Variants in SCYL3 observed in about 807,000 individuals in gnomAD.
The protein encoded by SCYL3 is protein-associating with the carboxyl-terminal domain of ezrin.
In SCYL3, 35 loss-of-function variants were observed where a neutral mutation model predicts 73.8. That is an observed-to-expected ratio of 0.47 (90% confidence interval 0.36 to 0.63). The LOEUF is 0.63. SCYL3 is among the 20% of genes least tolerant of loss of function. SCYL3 has a pLI of 0.00. For synonymous variants in SCYL3, 277 were observed against 295.2 expected (o/e 0.94, Z 0.63); for missense variants, 712 against 798.9 (o/e 0.89, Z 1.31).
chr1:169,875,961 GC>G lies in SCYL3; in HGVS notation c.465+16del. ...ATTAAAAACCAAGTAAGGAAGGGGG[GC>G]TGTCCCCTGGCTTACCTCTGGTGTG... On this transcript the variant is annotated intron_variant, in intron 4 of 12. Coordinates refer to ENST00000367771, the MANE Select transcript of SCYL3 (RefSeq NM_020423.7). 6.5e-7 allele frequency: 1 copy of G among 1,533,794 alleles called. No homozygotes were observed. Among genetic ancestry groups the G allele is most frequent in the Non-Finnish European group, 8.9e-7 (1 of 1,118,848 alleles).
intron 3 of SCYL3, among the ~76,000 whole-genome samples, chr1:169,877,201 G>A (rs1005533898): frequency 6.6e-6 from 1 of 152,162 alleles, no homozygotes; most frequent in African/African-American, 2.4e-5. Flanking sequence ...TGTTGCCCCA[G>A]CTGGAGTACA....
In SCYL3 at chr1:169,854,805, A is replaced by ATGT. The variant is rs1423448392; in HGVS notation, c.1469_1471dup (p.Asn490dup). Reference sequence around the variant, plus strand: ...ACAAGGTTCTCTAGGCCAAATCTGTATGTTGACAGTTTGATTTTCAGGCTC... The same window carrying ATGT: ...ACAAGGTTCTCTAGGCCAAATCTGTATGTTGTTGACAGTTTGATTTTCAGGCTC... On this transcript the variant is annotated inframe_insertion, in exon 12 of 13. Transcript: ENST00000367771. 2 of 1,613,854 alleles carry ATGT rather than the reference A, an allele frequency of 1.2e-6. No individual in the cohort carries two copies. Among genetic ancestry groups the ATGT allele is most frequent in the African/African-American group, 2.7e-5 (2 of 74,868 alleles).
Position 169,873,635 on chromosome 1 carries a change from TA to T in SCYL3, c.522+60del. On this transcript the variant is annotated intron_variant, in intron 5 of 12. Coordinates refer to ENST00000367771, the MANE Select transcript of SCYL3 (RefSeq NM_020423.7). The stretch of plus-strand genomic sequence containing the variant: ...AAGGAGTAAGCAGAGGAAAGTTTTT[TA>T]AAATTTCATACTCAATTACACAAAG... 3 of 1,207,750 alleles carry T rather than the reference TA, an allele frequency of 2.5e-6. No homozygotes were observed. In the South Asian group the frequency reaches 4.0e-5, roughly 16 times the overall value. 74.8% of individuals were successfully genotyped at this position (1,207,750 alleles called of 1,614,324 possible). A position where few individuals can be genotyped will look rare whatever the true frequency, so the allele number is the denominator to read the frequency against.
rs775270006 is a variant in SCYL3, at chr1:169,851,867, G to A, written c.*1846C>T. 2 of 1,614,052 alleles carry A rather than the reference G, an allele frequency of 1.2e-6. No individual in the cohort carries two copies. The highest frequency in any genetic ancestry group is 2.2e-5 in the South Asian group (2 of 91,084). On this transcript the variant is annotated 3_prime_UTR_variant, in exon 13 of 13. Coordinates refer to ENST00000367771, the MANE Select transcript of SCYL3 (RefSeq NM_020423.7). ...CTGCCAAAGTGGAACGTGTGAAACA[G>A]GAAAAAGGTATTTTCTGGGAACCCT...
chr1:169,856,200 A>T (rs79816537), intron 11 of SCYL3, among the ~76,000 whole-genome samples: 2,233 of 152,336 alleles, frequency 0.015, 54 homozygotes, highest in African/African-American at 0.05. Context: ...TCAAAGCATT[A>T]CACAGATATA....
chr1:169,858,891 TCCC>T (rs990289930), intron 11 of SCYL3, 147 bp downstream of exon 11: 22 of 679,358 alleles, frequency 3.2e-5, no homozygotes, highest in African/African-American at 1.7e-4. Context: ...CCACTGAAAA[TCCC>T]CCCGAGAAGT....
chr1:169,890,419 A>G (rs1042674717), intron 1 of SCYL3, among the ~76,000 whole-genome samples: 2 of 152,236 alleles, frequency 1.3e-5, no homozygotes, highest in Non-Finnish European at 2.9e-5. Flanking sequence ...CAATAATTCT[A>G]TGTAGGCCTT....
In SCYL3 at chr1:169,859,192, A is replaced by G. The variant is rs1408813794; in HGVS notation, c.1161T>C (p.Asp387=). 1 of 1,612,354 alleles carries G rather than the reference A, an allele frequency of 6.2e-7. No homozygotes were observed. The highest frequency in any genetic ancestry group is 1.7e-5 in the Admixed American group (1 of 59,540). The change falls in exon 11 of 13, where the codon GAT becomes GAC. Residue 387 remains aspartate, a synonymous_variant. Transcript: ENST00000367771. Reference sequence around the variant, plus strand: ...TAATTGCCACAATGGAATCGCTAGTATCACGCAGGCCCAGCAAAACCTAGG... The same window carrying G: ...TAATTGCCACAATGGAATCGCTAGTGTCACGCAGGCCCAGCAAAACCTAGG... ...ILPQVLLGLR[D]TSDSIVAITL...
intron 9 of SCYL3, among the ~76,000 whole-genome samples, chr1:169,863,917 G>A (rs1328977007): frequency 6.6e-6 from 1 of 152,106 alleles, no homozygotes; most frequent in Non-Finnish European, 1.5e-5. Context: ...CTATAAAATT[G>A]TAAAATTCCA....
At chr1:169,893,898 C>A (rs1200489032), upstream of SCYL3, 1 of 152,712 alleles carries the variant, frequency 6.5e-6, no homozygotes, top group African/African-American at 2.4e-5. Flanking sequence ...GGCCACTACA[C>A]CCACAATCTT....
rs1660223528 is a variant in SCYL3, at chr1:169,869,050, G to C, written c.626-11C>G. ...GAACATCCGCTGAAACTGAAATCCA[G>C]AGCTACAGTTAGTTTCCAATGCCTT... On this transcript the variant is annotated splice_polypyrimidine_tract_variant and intron_variant, in intron 6 of 12. Coordinates refer to ENST00000367771, the MANE Select transcript of SCYL3 (RefSeq NM_020423.7). The C allele has an allele frequency of 1.9e-6, 3 of 1,607,484 alleles. No homozygotes were observed. The highest frequency in any genetic ancestry group is 1.3e-5 in the African/African-American group (1 of 74,802).
At position 169,853,236 on chromosome 1, in the gene SCYL3, T is replaced by TAAAC; in HGVS notation, c.*473_*476dup. The stretch of plus-strand genomic sequence containing the variant: ...ACCATTTACTCAGATAGTCTAACTG[T>TAAAC]AAACAAATAAATAAGCTGCCTAAGG... On this transcript the variant is annotated 3_prime_UTR_variant, in exon 13 of 13. Coordinates refer to ENST00000367771, the MANE Select transcript of SCYL3 (RefSeq NM_020423.7). 1 of 466,696 alleles carries TAAAC rather than the reference T, an allele frequency of 2.1e-6. No individual in the cohort carries two copies. Among genetic ancestry groups the TAAAC allele is most frequent in the Non-Finnish European group, 3.8e-6 (1 of 264,476 alleles). 28.9% of individuals were successfully genotyped at this position (466,696 alleles called of 1,614,324 possible).
Position 169,888,094 on chromosome 1 carries a change from A to C in SCYL3, c.165+582T>G, listed in dbSNP as rs146303512. Among the ~76,000 whole-genome samples the C allele has an allele frequency of 5.4e-3, 825 of 152,368 alleles. 5 individuals carry two copies. Among genetic ancestry groups the C allele is most frequent in the Non-Finnish European group, 8.9e-3 (607 of 68,028 alleles). On this transcript the variant is annotated intron_variant, in intron 2 of 12. Coordinates refer to ENST00000367771, the MANE Select transcript of SCYL3 (RefSeq NM_020423.7). ...TTTCCAAAGTGCTAGCTATCCAAAG[A>C]AGCATCAACTAATGCCTTCATTTTC...
At chr1:169,870,531 T>C (rs897513489) in intron 5 of SCYL3, among the ~76,000 whole-genome samples, 174 bp from the exon 6 acceptor site, 3 of 152,232 alleles carry the variant, frequency 2.0e-5, no homozygotes, top group African/African-American at 7.2e-5. Context: ...TTGTTGAAGA[T>C]TGTAAAACAT....
At chr1:169,855,258 A>AAAT (rs1353375718) in intron 11 of SCYL3, among the ~76,000 whole-genome samples, 3 of 152,230 alleles carry the variant, frequency 2.0e-5, no homozygotes, top group Non-Finnish European at 4.4e-5. Flanking sequence ...ATAAATATAG[A>AAAT]AATGCTCTAA....
intron 4 of SCYL3, among the ~76,000 whole-genome samples, chr1:169,874,762 C>A (rs1660678459): frequency 6.6e-6 from 1 of 152,052 alleles, no homozygotes; most frequent in East Asian, 1.9e-4. Flanking sequence ...CCCATCTCTA[C>A]CAAAAATATA....
In SCYL3 at chr1:169,854,962, C is replaced by A; in HGVS notation, c.1315G>T (p.Asp439Tyr). 6 of 1,593,278 alleles carry A rather than the reference C, an allele frequency of 3.8e-6. No homozygotes were observed. Among genetic ancestry groups the A allele is most frequent in the South Asian group, 3.4e-5 (3 of 88,828 alleles). Residue 439 changes from aspartate (D) to tyrosine (Y), a missense_variant and splice_region_variant, in exon 12 of 13, where the codon GAT (aspartate) becomes TAT (tyrosine). By Grantham distance (160) the Asp-to-Tyr change is radical (BLOSUM62 -3). Transcript: ENST00000367771. ...TKNTDLSLEGDPFSQPIKFPI... is the reference protein window; with the variant it reads ...TKNTDLSLEGYPFSQPIKFPI... ...AATTTAATAGGCTGAGAAAATGGAT[C>A]GCCTGTAGGGAAAATAATTATTCTC...
intron 10 of SCYL3, among the ~76,000 whole-genome samples, chr1:169,861,977 T>C (rs1659679504): frequency 6.6e-6 from 1 of 152,054 alleles, no homozygotes. Context: ...AGCCAAGAAA[T>C]ACCAAGGATT....
At chr1:169,865,140 AT>A (rs990059126) in intron 8 of SCYL3, among the ~76,000 whole-genome samples, 6 of 152,136 alleles carry the variant, frequency 3.9e-5, no homozygotes, top group African/African-American at 1.4e-4. Flanking sequence ...ACTTTCTCAA[AT>A]TTAAACAATG....
Sources: gnomAD v4.1 joint callset for allele counts (sites outside exome capture counted in the v4.1 genomes callset) on GRCh38, gnomAD v4.1.1 for gene constraint, MANE v1.5 for transcripts, NCBI Gene and HGNC (gene_info 2026-07-23, HGNC 2026-07-21) for gene names.